POLH: variants seen among roughly 807,000 people sequenced by gnomAD.
POLH encodes DNA polymerase eta transcript.
In POLH, 53 loss-of-function variants were observed where a neutral mutation model predicts 73.6. The ratio of observed to expected loss-of-function variants is 0.72; its 90% CI spans 0.58 to 0.91. POLH has a LOEUF of 0.91. Ranked by LOEUF, POLH falls within the 40% of genes least tolerant of loss-of-function variation. POLH has a pLI of 0.00. For synonymous variants in POLH, 292 were observed against 308.5 expected, an observed-to-expected ratio of 0.95 and a Z score of 0.56; for missense variants, 768 against 865.4, an observed-to-expected ratio of 0.89 and a Z score of 1.41.
At chr6:43,606,502 C>T (rs1767315485) in intron 9 of POLH, among the ~76,000 whole-genome samples, 1 of 151,920 alleles carries the variant, frequency 6.6e-6, no homozygotes, top group Admixed American at 6.6e-5. Flanking sequence ...AATCTTGGCT[C>T]ACTGCAACCT....
At chr6:43,590,894 G>T (rs1281539803) in intron 4 of POLH, 1 of 147,452 alleles carries the variant, frequency 6.8e-6, no homozygotes, top group East Asian at 2.0e-4. Context: ...CTGTACTCCA[G>T]CCTGGGTGGC....
intron 8 of POLH, 91 bp downstream of exon 8, chr6:43,604,829 A>G: frequency 7.6e-7 from 1 of 1,316,826 alleles, no homozygotes; most frequent in Non-Finnish European, 1.1e-6. Flanking sequence ...AGGTTAGAGG[A>G]GACCTTTATA....
chr6:43,609,044 ATTC>A (rs1287048234), intron 9 of POLH, among the ~76,000 whole-genome samples: 1 of 152,016 alleles, frequency 6.6e-6, no homozygotes, highest in Non-Finnish European at 1.5e-5. Context: ...TTGTTCATAT[ATTC>A]TTAATATTTG....
Position 43,587,378 on chromosome 6 carries a change from G to C in POLH, c.379G>C (p.Glu127Gln). ...CGTAGATCTGACCAGTGCTGTACAA[G>C]AGAGACTACAAAAGCTACAAGGTCA... The part of the protein sequence containing the change: ...AYVDLTSAVQ[E>Q]RLQKLQGQPI... The change falls in exon 4 of 11, where the codon GAG becomes CAG. Residue 127 changes from glutamate (E) to glutamine (Q), a missense_variant. Transcript: ENST00000372236. 1.2e-6 allele frequency: 2 copies of C among 1,614,130 alleles called. No homozygotes were observed. The highest frequency in any genetic ancestry group is 1.7e-6 in the Non-Finnish European group (2 of 1,179,958).
At chr6:43,611,934 T>C (rs1179725233) in intron 10 of POLH, among the ~76,000 whole-genome samples, 1 of 152,062 alleles carries the variant, frequency 6.6e-6, no homozygotes, top group Non-Finnish European at 1.5e-5. Context: ...TGGATGCCTA[T>C]AATCCCAGCT....
intron 5 of POLH, among the ~76,000 whole-genome samples, chr6:43,600,282 G>A (rs915047860): frequency 3.3e-5 from 5 of 152,258 alleles, no homozygotes; most frequent in South Asian, 4.1e-4. Context: ...GCTGGACATG[G>A]TGGCGCACAC....
At chr6:43,609,379 T>C (rs1242819200) in intron 9 of POLH, among the ~76,000 whole-genome samples, 4 of 152,232 alleles carry the variant, frequency 2.6e-5, no homozygotes, top group African/African-American at 7.2e-5. Context: ...CCTCAAGATA[T>C]ATAAATCCAT....
At chr6:43,592,443 G>T (rs1223771658) in intron 4 of POLH, among the ~76,000 whole-genome samples, 2 of 131,314 alleles carry the variant, frequency 1.5e-5, no homozygotes, top group African/African-American at 3.0e-5. Context: ...TCTCTTTCTC[G>T]CTCTGTCGCC....
At chr6:43,582,591 C>A in intron 2 of POLH, 135 bp downstream of exon 2, 1 of 871,254 alleles carries the variant, frequency 1.1e-6, no homozygotes, top group East Asian at 2.4e-5. Context: ...GCAGTGGCAC[C>A]ATCAGCTCAC....
intron 1 of POLH, among the ~76,000 whole-genome samples, chr6:43,578,125 G>A (rs1294642207): frequency 2.0e-5 from 3 of 151,822 alleles, no homozygotes; most frequent in African/African-American, 7.3e-5. Context: ...GATGGCTCAC[G>A]CCTGTAATCC....
chr6:43,605,252 A>C lies in POLH; in HGVS notation c.1009-2A>C. 1 of 1,543,544 alleles carries C rather than the reference A, an allele frequency of 6.5e-7. No individual in the cohort carries two copies. Among genetic ancestry groups the C allele is most frequent in the Non-Finnish European group, 9.0e-7 (1 of 1,116,114 alleles). On this transcript the variant is annotated splice_acceptor_variant, in intron 8 of 10. Transcript: ENST00000372236. LOFTEE classifies it high-confidence loss of function. ...AAGATTAAAGTCTCAATACTTTTTT[A>C]GGTACAATGGTGGCTGTTGCAATTA...
rs1441255484 is a variant in POLH at position 43,581,002 on chromosome 6, C to CT, written c.-4-1314_-4-1313insT. ...GCCGGGCGGGGGGCTGACCCCCCCC[C>CT]ACCTCCCTCCCGGACGGGGTGGCTG... On this transcript the variant is annotated intron_variant, in intron 1 of 10. Transcript: ENST00000372236. 9.4e-3 allele frequency among the ~76,000 whole-genome samples: 1,365 copies of CT among 145,608 alleles called. 10 individuals carry two copies. The highest frequency in any genetic ancestry group is 0.033 in the African/African-American group (1,270 of 38,724).
rs1326257520 is a variant in POLH, at chr6:43,617,405, C to G, written c.*2848C>G. On this transcript the variant is annotated 3_prime_UTR_variant, in exon 11 of 11. Transcript: ENST00000372236. ...CTTTGGGAGGCCAAGGTGGGCGGAT[C>G]ACTTGAGGCTGGGAGTTTGAGACCA... Among the ~76,000 whole-genome samples, 1 of 151,842 alleles carries G rather than the reference C, an allele frequency of 6.6e-6. No individual in the cohort carries two copies. Among genetic ancestry groups the G allele is most frequent in the East Asian group, 1.9e-4 (1 of 5,164 alleles).
intron 4 of POLH, among the ~76,000 whole-genome samples, chr6:43,596,992 G>T (rs1766133994): frequency 6.6e-6 from 1 of 152,140 alleles, no homozygotes; most frequent in Non-Finnish European, 1.5e-5. Flanking sequence ...TGAAGCTTGA[G>T]TTAATTCTGA....
At chr6:43,585,766 C>A (rs1019591839) in intron 3 of POLH, among the ~76,000 whole-genome samples, 1 of 151,518 alleles carries the variant, frequency 6.6e-6, no homozygotes. Context: ...CTGCCTCAGC[C>A]TCCCGAGTAG....
At chr6:43,590,221 T>G (rs1345198133) in intron 4 of POLH, among the ~76,000 whole-genome samples, 1 of 151,988 alleles carries the variant, frequency 6.6e-6, no homozygotes, top group Non-Finnish European at 1.5e-5. Context: ...TAGCTGGGCA[T>G]GGTAGCATGT....
At position 43,583,101 on chromosome 6, in the gene POLH, G is replaced by T; in HGVS notation, c.232G>T (p.Ala78Ser). 1.9e-6 allele frequency: 3 copies of T among 1,613,858 alleles called. No individual in the cohort carries two copies. Among genetic ancestry groups the T allele is most frequent in the Admixed American group, 1.7e-5 (1 of 59,996 alleles). ...AKKLCPDLLLAQVRESRGKAN... is the reference protein window; with the variant it reads ...AKKLCPDLLLSQVRESRGKAN... ...GAAGTTATGTCCAGATCTTCTACTG[G>T]CACAAGTTCGTGAGTCCCGTGGGAA... Residue 78 changes from alanine (A) to serine (S), a missense_variant, in exon 3 of 11, where the codon GCA becomes TCA. Coordinates refer to ENST00000372236, the MANE Select transcript of POLH (RefSeq NM_006502.3).
rs1338290025 is a variant in POLH at position 43,614,356 on chromosome 6, G to A, written c.1941G>A (p.Met647Ile). 2 of 1,613,258 alleles carry A rather than the reference G, an allele frequency of 1.2e-6. No homozygotes were observed. Among genetic ancestry groups the A allele is most frequent in the African/African-American group, 1.3e-5 (1 of 74,912 alleles). Reference protein sequence around the residue: ...KCGSLVPVWDMPEHMDYHFAL... With the variant: ...KCGSLVPVWDIPEHMDYHFAL... ...GCTCCCTGGTACCGGTATGGGATAT[G>A]CCAGAACACATGGACTATCATTTTG... The change falls in exon 11 of 11, where the codon ATG becomes ATA. Residue 647 changes from methionine (M) to isoleucine (I), a missense_variant. Physicochemically the swap from Met to Ile is conservative, Grantham distance 10. Coordinates refer to ENST00000372236, the MANE Select transcript of POLH (RefSeq NM_006502.3).
intron 4 of POLH, chr6:43,590,884 C>T (rs1765383771): frequency 6.8e-6 from 1 of 146,714 alleles, no homozygotes; most frequent in South Asian, 2.1e-4. Context: ...GATTGCGCCA[C>T]TGTACTCCAG....
Sources: allele counts gnomAD v4.1 joint callset (sites outside exome capture counted in the v4.1 genomes callset), GRCh38; gene constraint gnomAD v4.1.1; transcripts MANE v1.5; gene names NCBI Gene and HGNC (gene_info 2026-07-23, HGNC 2026-07-21).